FBLN1: variants seen among roughly 807,000 people sequenced by gnomAD.
FBLN1 encodes fibulin 1, also known as fibulin-1.
In FBLN1, 34 loss-of-function variants were observed where a neutral mutation model predicts 89.7. The observed-to-expected ratio is 0.38, with a 90% confidence interval of 0.29 to 0.50. The LOEUF (loss-of-function observed/expected upper bound fraction) is 0.50. Ranked by LOEUF, FBLN1 falls within the 20% of genes least tolerant of loss-of-function variation. The pLI is 0.92. For missense variants in FBLN1, 777 were observed against 988.1 expected (o/e 0.79, Z 2.86); for synonymous variants, 393 against 391.3 (o/e 1.00, Z -0.05).
At chr22:45,598,636 G>A (rs1283018463) in intron 16 of FBLN1, among the ~76,000 whole-genome samples, 1 of 152,150 alleles carries the variant, frequency 6.6e-6, no homozygotes, top group Admixed American at 6.5e-5. Context: ...TCAGAGCGTG[G>A]TGCATACCTT....
rs371525599 is a variant in FBLN1 at position 45,541,350 on chromosome 22, C to T, written c.1044C>T (p.Asn348=). The T allele has an allele frequency of 3.5e-5, 57 of 1,614,226 alleles. No individual in the cohort carries two copies. The Middle Eastern group carries it at 4.9e-4, about 14-fold the overall frequency. ...ACTGTGGCCGTGGCTACCATCTCAA[C>T]GAGGAGGGAACGCGCTGTGTTGGTT... ...VPNCGRGYHL[N]EEGTRCVDVD... Residue 348 remains asparagine, a synonymous_variant, in exon 9 of 17, where the codon AAC becomes AAT. Coordinates refer to ENST00000327858, the MANE Select transcript of FBLN1 (RefSeq NM_006486.3).
At chr22:45,553,229 G>A (rs1412036958) in intron 14 of FBLN1, among the ~76,000 whole-genome samples, 1 of 152,244 alleles carries the variant, frequency 6.6e-6, no homozygotes, top group African/African-American at 2.4e-5. Flanking sequence ...TTTTTCTCTG[G>A]TGTGTGGTGG....
rs749512558 is a variant in FBLN1 at position 45,563,238 on chromosome 22, T to TTTTCA, written c.1698-11271_1698-11267dup. 3.1e-6 allele frequency: 5 copies of TTTTCA among 1,613,724 alleles called. No homozygotes were observed. Among genetic ancestry groups the TTTTCA allele is most frequent in the Non-Finnish European group, 3.4e-6 (4 of 1,180,018 alleles). ...ACCGTCAGCTCCTTTGTGGCCAAGC[T>TTTTCA]TTTCATCTTTGTGTCTGCAGAGCTC... On this transcript the variant is annotated intron_variant, in intron 14 of 16. Transcript: ENST00000327858. The surrounding 1 kb of genome is among the most constrained non-coding windows in gnomAD (Gnocchi z 5.7).
chr22:45,529,493 C>A (rs897554599), intron 4 of FBLN1, among the ~76,000 whole-genome samples: 2 of 152,170 alleles, frequency 1.3e-5, no homozygotes, highest in Admixed American at 6.6e-5. Flanking sequence ...GGCAGGACTC[C>A]GCCTGGGCCA....
chr22:45,578,802 A>C lies in FBLN1; in HGVS notation c.1972+1694A>C, dbSNP rs2089019824. On this transcript the variant is annotated intron_variant, in intron 16 of 16. Transcript: ENST00000327858. This position sits in a 1 kb window ranked among gnomAD's most constrained non-coding sequence, Gnocchi z 4.6. ...GAACATGGGAGTTTGGAATCCTAGG[A>C]CCTTCTAGTTCACTCACTCATTCTT... Among the ~76,000 whole-genome samples, 1 of 152,098 alleles carries C rather than the reference A, an allele frequency of 6.6e-6. No individual in the cohort carries two copies. Among genetic ancestry groups the C allele is most frequent in the Admixed American group, 6.5e-5 (1 of 15,280 alleles).
chr22:45,552,657 A>G (rs909214119), intron 14 of FBLN1, among the ~76,000 whole-genome samples: 2 of 152,228 alleles, frequency 1.3e-5, no homozygotes, highest in Non-Finnish European at 2.9e-5. Flanking sequence ...GAGCCTTGAC[A>G]GACAGGACTG....
Position 45,534,292 on chromosome 22 carries a change from C to CA in FBLN1, c.784+422dup, listed in dbSNP as rs136746. Among the ~76,000 whole-genome samples the CA allele has an allele frequency of 1.4e-3, 118 of 83,224 alleles. 6 individuals are homozygous for CA. Among genetic ancestry groups the CA allele is most frequent in the African/African-American group, 5.0e-3 (105 of 21,014 alleles). 54.6% of individuals were successfully genotyped at this position (83,224 alleles called of 152,430 possible). ...TTCAGGTTCTCACATGTACTTTCTA[C>CA]AAAAAAAAAAAAAAAAAAAAAAAAA... On this transcript the variant is annotated intron_variant, in intron 7 of 16. Transcript: ENST00000327858.
chr22:45,578,688 C>A lies in FBLN1; in HGVS notation c.1972+1580C>A, dbSNP rs368220607. Among the ~76,000 whole-genome samples, 1 of 152,216 alleles carries A rather than the reference C, an allele frequency of 6.6e-6. No homozygotes were observed. The highest frequency in any genetic ancestry group is 2.4e-5 in the African/African-American group (1 of 41,460). ...GCACCCTGACACTGGCCCACAGCCG[C>A]CCCCCGCCCCAAAGGGGCCAGCCCT... On this transcript the variant is annotated intron_variant, in intron 16 of 16. Coordinates refer to ENST00000327858, the MANE Select transcript of FBLN1 (RefSeq NM_006486.3). This position sits in a 1 kb window ranked among gnomAD's most constrained non-coding sequence, Gnocchi z 4.6.
chr22:45,583,656 A>T lies in FBLN1; in HGVS notation c.1972+6548A>T, dbSNP rs1050713070. On this transcript the variant is annotated intron_variant, in intron 16 of 16. Coordinates refer to ENST00000327858, the MANE Select transcript of FBLN1 (RefSeq NM_006486.3). This position sits in a 1 kb window ranked among gnomAD's most constrained non-coding sequence, Gnocchi z 4.5. ...GAAGGAAGCTGGGTTTTGGTGTGCC[A>T]GTCAGGTGAGACGCAGAGAAGACAG... is the stretch of plus-strand genomic sequence containing the variant. Among the ~76,000 whole-genome samples the T allele has an allele frequency of 3.3e-5, 5 of 152,210 alleles. No homozygotes were observed. Among genetic ancestry groups the T allele is most frequent in the African/African-American group, 4.8e-5 (2 of 41,448 alleles).
chr22:45,559,660 C>G (rs1411130771), intron 14 of FBLN1, among the ~76,000 whole-genome samples: 1 of 152,176 alleles, frequency 6.6e-6, no homozygotes, highest in Non-Finnish European at 1.5e-5. Context: ...CATTAATTAC[C>G]TGACCTCCTT....
intron 16 of FBLN1, among the ~76,000 whole-genome samples, chr22:45,594,581 G>C (rs936403827): frequency 1.3e-5 from 2 of 151,902 alleles, no homozygotes; most frequent in African/African-American, 4.8e-5. Context: ...GCATCTAATG[G>C]ATGGGTGGGT....
In FBLN1 at chr22:45,562,411, T is replaced by C. The variant is rs1045860342; in HGVS notation, c.1697+11796T>C. Among the ~76,000 whole-genome samples the C allele has an allele frequency of 1.1e-4, 17 of 152,186 alleles. No homozygotes were observed. Among genetic ancestry groups the C allele is most frequent in the African/African-American group, 4.1e-4 (17 of 41,442 alleles). On this transcript the variant is annotated intron_variant, in intron 14 of 16. Transcript: ENST00000327858. The surrounding 1 kb of genome is among the most constrained non-coding windows in gnomAD (Gnocchi z 7.8). Reference sequence around the variant, plus strand: ...GTGAAAAATATCACCGAAGCCACTGTCATGGGGTGGTGGCAGTGATCACAC... The same window carrying C: ...GTGAAAAATATCACCGAAGCCACTGCCATGGGGTGGTGGCAGTGATCACAC...
In FBLN1 at chr22:45,536,856, G is replaced by T. The variant is rs1035768506; in HGVS notation, c.922+1519G>T. On this transcript the variant is annotated intron_variant, in intron 8 of 16. Coordinates refer to ENST00000327858, the MANE Select transcript of FBLN1 (RefSeq NM_006486.3). The surrounding 1 kb of genome is among the most constrained non-coding windows in gnomAD (Gnocchi z 5.1). The stretch of plus-strand genomic sequence containing the variant: ...TGTGAACTTAGTATGAATTTAGGAG[G>T]CCTGGGCAAGACCGCTCACGCTAGA... 6.6e-6 allele frequency among the ~76,000 whole-genome samples: 1 copy of T among 152,218 alleles called. No homozygotes were observed. The highest frequency in any genetic ancestry group is 1.5e-5 in the Non-Finnish European group (1 of 68,028).
intron 16 of FBLN1, among the ~76,000 whole-genome samples, chr22:45,591,275 G>GA (rs1481997832): frequency 1.3e-5 from 2 of 152,194 alleles, no homozygotes; most frequent in East Asian, 3.9e-4. Flanking sequence ...CGTTTGCGAT[G>GA]AGAGGAGAGA....
chr22:45,568,522 AAT>A (rs1454077284), intron 14 of FBLN1, among the ~76,000 whole-genome samples: 32 of 148,220 alleles, frequency 2.2e-4, no homozygotes, highest in Middle Eastern at 3.5e-3. Flanking sequence ...TCTGTAGGGG[AAT>A]GCCTCTTCTG....
rs1307655607 is a variant in FBLN1, at chr22:45,537,782, C to T, written c.922+2445C>T. Among the ~76,000 whole-genome samples the T allele has an allele frequency of 4.6e-5, 7 of 152,182 alleles. No homozygotes were observed. The highest frequency in any genetic ancestry group is 3.9e-4 in the East Asian group (2 of 5,194). On this transcript the variant is annotated intron_variant, in intron 8 of 16. Transcript: ENST00000327858. This position sits in a 1 kb window ranked among gnomAD's most constrained non-coding sequence, Gnocchi z 5.7. ...GTGGCTCAGCTGCCAGTTGGCCCCT[C>T]GCCAGTCCCTTGCCAGCAGGGAGGG...
At chr22:45,544,924 A>G (rs909438681) in intron 11 of FBLN1, among the ~76,000 whole-genome samples, 1 of 152,216 alleles carries the variant, frequency 6.6e-6, no homozygotes, top group African/African-American at 2.4e-5. Context: ...AGCTGAGCAG[A>G]CACTGAGAGC....
chr22:45,555,182 G>C (rs867657256), intron 14 of FBLN1, among the ~76,000 whole-genome samples: 4 of 151,560 alleles, frequency 2.6e-5, no homozygotes, highest in African/African-American at 7.3e-5. Flanking sequence ...ACCCGTCTCT[G>C]TCTCCACCAC....
intron 1 of FBLN1, among the ~76,000 whole-genome samples, chr22:45,505,978 A>G (rs1003131527): frequency 6.6e-6 from 1 of 152,210 alleles, no homozygotes; most frequent in African/African-American, 2.4e-5. Flanking sequence ...CATCTTGGCC[A>G]GGCTAGTCTC....
Sources: allele counts gnomAD v4.1 joint callset (sites outside exome capture counted in the v4.1 genomes callset), GRCh38; gene constraint gnomAD v4.1.1; non-coding constraint Gnocchi (gnomAD v3.1); transcripts MANE v1.5; gene names NCBI Gene and HGNC (gene_info 2026-07-23, HGNC 2026-07-21).